The following SEL1L2 variants were observed in gnomAD, a reference collection of about 807,000 sequenced individuals.
SEL1L2 encodes the protein SEL1L2 adaptor subunit of SYVN1 ubiquitin ligase, also known as protein sel-1 homolog 2.
A neutral mutation model predicts 98.8 loss-of-function variants in SEL1L2; 89 were observed. The observed-to-expected ratio is 0.90, with a 90% CI of 0.76 to 1.07. SEL1L2 has a LOEUF of 1.07. Ranked by LOEUF, SEL1L2 falls within the 50% of genes least tolerant of loss-of-function variation. The pLI is 0.00. For synonymous variants in SEL1L2, 262 were observed against 278.5 expected, an observed-to-expected ratio of 0.94 and a Z score of 0.59; for missense variants, 788 against 812.0, an observed-to-expected ratio of 0.97 and a Z score of 0.36.
intron 14 of SEL1L2, among the ~76,000 whole-genome samples, chr20:13,867,725 T>C (rs1221539466): frequency 6.6e-6 from 1 of 152,116 alleles, no homozygotes; most frequent in East Asian, 1.9e-4. Flanking sequence ...CGAAATGAGT[T>C]AAAACATACG....
At chr20:13,878,018 G>T (rs1445561293) in intron 10 of SEL1L2, among the ~76,000 whole-genome samples, 2 of 152,148 alleles carry the variant, frequency 1.3e-5, no homozygotes, top group African/African-American at 4.8e-5. Context: ...ATGTTTGTAG[G>T]CAGAGTAAGA....
intron 5 of SEL1L2, among the ~76,000 whole-genome samples, chr20:13,890,535 G>A (rs1370326029): frequency 2.6e-5 from 4 of 152,144 alleles, no homozygotes; most frequent in African/African-American, 4.8e-5. Flanking sequence ...TACGAAGCTA[G>A]TCTATAAAGA....
intron 10 of SEL1L2, among the ~76,000 whole-genome samples, chr20:13,879,499 G>A (rs561151548): frequency 3.3e-5 from 5 of 151,856 alleles, no homozygotes; most frequent in African/African-American, 1.2e-4. Context: ...CTACAGGTGC[G>A]TGACCACCAC....
At chr20:13,974,565 G>A (rs551576212) in intron 1 of SEL1L2, among the ~76,000 whole-genome samples, 22 of 126,946 alleles carry the variant, frequency 1.7e-4, no homozygotes, top group African/African-American at 3.0e-4. Context: ...TGCAACCTCC[G>A]CCTCCTGTGT....
At chr20:13,885,432 T>A (rs2046906043) in intron 9 of SEL1L2, 29 bp from the exon 10 acceptor site, 1 of 1,408,940 alleles carries the variant, frequency 7.1e-7, no homozygotes. Flanking sequence ...GAAATGATTT[T>A]AGCAGCAGTA....
intron 18 of SEL1L2, among the ~76,000 whole-genome samples, chr20:13,858,843 T>C (rs1480705249): frequency 6.6e-6 from 1 of 152,232 alleles, no homozygotes; most frequent in East Asian, 1.9e-4. Context: ...TCTGGATTAA[T>C]ACCACCTTGG....
In SEL1L2 at chr20:13,887,719, T is replaced by G. The variant is rs779895351; in HGVS notation, c.745+50A>C. ...TTGAACTGTTATTGATTTATTTTTC[T>G]AATTCCTTGGCAACTGTTTATTTTA... On this transcript the variant is annotated intron_variant, in intron 8 of 19. Coordinates refer to ENST00000284951, the MANE Select transcript of SEL1L2 (RefSeq NM_025229.2). The G allele has an allele frequency of 5.9e-6, 7 of 1,191,108 alleles. No individual in the cohort carries two copies. In the East Asian group the frequency reaches 1.6e-4, roughly 28 times the overall value. 73.8% of individuals were successfully genotyped at this position (1,191,108 alleles called of 1,614,324 possible).
At chr20:13,923,257 C>T (rs1600763952) in intron 3 of SEL1L2, among the ~76,000 whole-genome samples, 1 of 152,254 alleles carries the variant, frequency 6.6e-6, no homozygotes, top group East Asian at 1.9e-4. Flanking sequence ...TTTCAAATTT[C>T]CATTCTAAGT....
chr20:13,856,911 T>A (rs1008733900), intron 18 of SEL1L2, among the ~76,000 whole-genome samples: 1 of 152,186 alleles, frequency 6.6e-6, no homozygotes, highest in African/African-American at 2.4e-5. Flanking sequence ...ATTGAAGAAA[T>A]GCTTAATTAC....
At position 13,849,592 on chromosome 20, in the gene SEL1L2, A is replaced by G. The variant is rs372899436; in HGVS notation, c.1960T>C (p.Trp654Arg). 6.2e-7 allele frequency: 1 copy of G among 1,613,966 alleles called. No individual in the cohort carries two copies. The highest frequency in any genetic ancestry group is 1.7e-5 in the Admixed American group (1 of 59,992). ...DILFFNFTTR[W>R]NWLKLDNTIG... ...GTGTTGTCCAGTTTCAGCCAGTTCC[A>G]TCTCGTTGTGAACTGCTGGCAAGAG... Residue 654 changes from tryptophan to arginine, a missense_variant, in exon 20 of 20, where the codon TGG becomes CGG. Physicochemically the swap from Trp to Arg is moderately radical, Grantham distance 101 (BLOSUM62 -3). Coordinates refer to ENST00000284951, the MANE Select transcript of SEL1L2 (RefSeq NM_025229.2).
chr20:13,903,676 G>A (rs1159435486), intron 5 of SEL1L2, among the ~76,000 whole-genome samples: 1 of 152,048 alleles, frequency 6.6e-6, no homozygotes, highest in Non-Finnish European at 1.5e-5. Context: ...AGGCAGGCAT[G>A]GTGGTGAGCC....
At chr20:13,885,946 A>G (rs1385812013) in intron 9 of SEL1L2, among the ~76,000 whole-genome samples, 17 of 151,980 alleles carry the variant, frequency 1.1e-4, no homozygotes, top group Non-Finnish European at 2.9e-5. Flanking sequence ...CTGAGGCAGG[A>G]GAATGGTGTG....
intron 17 of SEL1L2, among the ~76,000 whole-genome samples, chr20:13,860,131 G>A (rs548620088): frequency 1.1e-4 from 16 of 152,218 alleles, no homozygotes; most frequent in South Asian, 6.2e-4. Context: ...GCTCTCCTGC[G>A]TCAACAGTGT....
At chr20:13,859,174 T>C (rs1254434454) in intron 18 of SEL1L2, 88 bp downstream of exon 18, 13 of 1,249,814 alleles carry the variant, frequency 1.0e-5, no homozygotes, top group Admixed American at 5.5e-5. Flanking sequence ...TCTACATTGA[T>C]GACATCAATG....
chr20:13,862,991 C>A (rs1307778942), intron 17 of SEL1L2, among the ~76,000 whole-genome samples: 1 of 152,114 alleles, frequency 6.6e-6, no homozygotes, highest in Non-Finnish European at 1.5e-5. Flanking sequence ...ACCACTGCAC[C>A]TGGTCTATAA....
rs1461761743 is a variant in SEL1L2 at position 13,850,000 on chromosome 20, C to A, written c.1947+191G>T. The stretch of plus-strand genomic sequence containing the variant: ...CTGCTGAATGAATTAATTGCTTATA[C>A]TCTGAAGTGTCAACACATACTCAAT... On this transcript the variant is annotated intron_variant, in intron 19 of 19. Transcript: ENST00000284951. 9.8e-6 allele frequency: 6 copies of A among 614,632 alleles called. No individual in the cohort carries two copies. In the East Asian group the frequency reaches 1.4e-4, roughly 15 times the overall value. 38.1% of individuals were successfully genotyped at this position (614,632 alleles called of 1,614,324 possible). A position where few individuals can be genotyped will look rare whatever the true frequency, so the allele number is the denominator to read the frequency against.
At chr20:13,940,976 A>G (rs1276151111) in intron 2 of SEL1L2, among the ~76,000 whole-genome samples, 1 of 152,242 alleles carries the variant, frequency 6.6e-6, no homozygotes, top group Non-Finnish European at 1.5e-5. Flanking sequence ...GATGTGACTC[A>G]GCTGAGTGCA....
At chr20:13,904,799 T>C (rs1320854065) in intron 5 of SEL1L2, among the ~76,000 whole-genome samples, 1 of 152,238 alleles carries the variant, frequency 6.6e-6, no homozygotes, top group Non-Finnish European at 1.5e-5. Context: ...ATTTAGAATC[T>C]AATTTAGTTA....
chr20:13,855,798 C>A (rs1989064043), intron 18 of SEL1L2, among the ~76,000 whole-genome samples: 1 of 152,256 alleles, frequency 6.6e-6, no homozygotes, highest in Non-Finnish European at 1.5e-5. Flanking sequence ...ACTTTCACTT[C>A]CACTTCCACG....
Sources: allele counts gnomAD v4.1 joint callset (sites outside exome capture counted in the v4.1 genomes callset), GRCh38; gene constraint gnomAD v4.1.1; transcripts MANE v1.5; gene names NCBI Gene and HGNC (gene_info 2026-07-23, HGNC 2026-07-21).